CHN2: variants seen among roughly 807,000 people sequenced by gnomAD.
CHN2 encodes chimerin 2.
CHN2 carries 35 observed loss-of-function variants against 56.3 expected under a neutral mutation model. The observed-to-expected ratio is 0.62, with a 90% CI of 0.47 to 0.82. CHN2 has a LOEUF of 0.82. Ranked by LOEUF, CHN2 falls within the 40% of genes least tolerant of loss-of-function variation. The pLI is 0.00. For synonymous variants in CHN2, 210 were observed against 212.8 expected, an observed-to-expected ratio of 0.99 and a Z score of 0.12; for missense variants, 491 against 580.5, an observed-to-expected ratio of 0.85 and a Z score of 1.58.
rs570568264 is a variant in CHN2, at chr7:29,186,099, G to A, written c.274+39139G>A. ...TGAACAGGATGGAGTTTTTGATTAG[G>A]GAATAATTTTGATCCCTTGAAATTC... On this transcript the variant is annotated intron_variant, in intron 2 of 6. Transcript: ENST00000439384. 6.6e-5 allele frequency among the ~76,000 whole-genome samples: 10 copies of A among 152,148 alleles called. No homozygotes were observed. In the South Asian group the frequency reaches 2.1e-3, roughly 32 times the overall value.
chr7:29,436,779 G>C (rs1783257023), intron 6 of CHN2, among the ~76,000 whole-genome samples: 1 of 152,092 alleles, frequency 6.6e-6, no homozygotes. Flanking sequence ...GATGATATTT[G>C]AATAAATAAC....
At position 29,495,884 on chromosome 7, in the gene CHN2, A is replaced by G. The variant is rs1789216468; in HGVS notation, c.655-68A>G. The stretch of plus-strand genomic sequence containing the variant: ...ATCGCTCCTGCTGATCTTCATTGAC[A>G]TGTCTGAGGCTACCTGCCTTTAAAT... On this transcript the variant is annotated intron_variant, in intron 7 of 12. Coordinates refer to ENST00000222792, the MANE Select transcript of CHN2 (RefSeq NM_004067.4). The G allele has an allele frequency of 1.6e-5, 21 of 1,330,464 alleles. No individual in the cohort carries two copies. In the South Asian group the frequency reaches 2.4e-4, roughly 15 times the overall value. The allele number at this position is 1,330,464 out of a possible 1,614,324, so 82.4% of individuals were successfully genotyped here. A position where few individuals can be genotyped will look rare whatever the true frequency, so the allele number is the denominator to read the frequency against.
chr7:29,498,206 C>T (rs1484945970), intron 8 of CHN2, among the ~76,000 whole-genome samples: 1 of 152,170 alleles, frequency 6.6e-6, no homozygotes, highest in African/African-American at 2.4e-5. Flanking sequence ...GTATACAATA[C>T]TTAACTATAT....
intron 1 of CHN2, among the ~76,000 whole-genome samples, chr7:29,208,271 G>A (rs1434306640): frequency 1.3e-5 from 2 of 152,182 alleles, no homozygotes; most frequent in African/African-American, 4.8e-5. Context: ...TCCCCTTCAA[G>A]TTGTTCATGG....
chr7:29,217,996 T>G (rs10238012), intron 1 of CHN2, among the ~76,000 whole-genome samples: 2,805 of 152,164 alleles, frequency 0.018, 80 homozygotes, highest in African/African-American at 0.063. Context: ...GCTTAAAACA[T>G]GAAATTGACT....
At chr7:29,204,063 CTCTCTGTGTGTGTGTGTGTGTGTG>C (rs1784346568) in intron 1 of CHN2, among the ~76,000 whole-genome samples, 1 of 108,938 alleles carries the variant, frequency 9.2e-6, no homozygotes, top group African/African-American at 4.3e-5. Context: ...GTTTTTCTCT[CTCTCTGTGTGTGTGTGTGTGTGTG>C]TGTGTGTGTG....
intron 1 of CHN2, chr7:29,213,162 ACC>A: frequency 2.0e-6 from 3 of 1,466,864 alleles, no homozygotes; most frequent in Non-Finnish European, 1.9e-6. Context: ...TACTCCACAA[ACC>A]ATGGATTTAT....
rs70980520 is a variant in CHN2 at position 29,283,922 on chromosome 7, C to CTT, written c.50-70674_50-70673dup. 6.1e-3 allele frequency among the ~76,000 whole-genome samples: 427 copies of CTT among 69,968 alleles called. 48 individuals are homozygous for CTT. Among genetic ancestry groups the CTT allele is most frequent in the African/African-American group, 0.018 (275 of 15,684 alleles). The allele number at this position is 69,968 out of a possible 152,430, so 45.9% of individuals were successfully genotyped here. On this transcript the variant is annotated intron_variant, in intron 1 of 12. Coordinates refer to ENST00000222792, the MANE Select transcript of CHN2 (RefSeq NM_004067.4). The stretch of plus-strand genomic sequence containing the variant: ...AGGAGCCACCGTTCCCAGCCAAGCT[C>CTT]TTTTTTTTTTTTTTTTTTTTTTTTT...
chr7:29,384,957 T>A (rs1304092400), intron 3 of CHN2, among the ~76,000 whole-genome samples: 3 of 152,230 alleles, frequency 2.0e-5, no homozygotes, highest in Admixed American at 6.5e-5. Flanking sequence ...TTAATTCACA[T>A]GTATGCATAG....
rs151096563 is a variant in CHN2 at position 29,343,604 on chromosome 7, T to C, written c.50-11021T>C. ...TCACTGGAGCAGCTGCTGCCTCTGTTAACCACTTCCCCCTTTTTAAATGTC... is the reference window on the plus strand; with the variant it reads ...TCACTGGAGCAGCTGCTGCCTCTGTCAACCACTTCCCCCTTTTTAAATGTC... On this transcript the variant is annotated intron_variant, in intron 1 of 12. Transcript: ENST00000222792. 5.4e-3 allele frequency among the ~76,000 whole-genome samples: 818 copies of C among 152,286 alleles called. 4 individuals carry two copies. Among genetic ancestry groups the C allele is most frequent in the African/African-American group, 0.019 (776 of 41,536 alleles).
intron 1 of CHN2, among the ~76,000 whole-genome samples, chr7:29,285,985 A>AG (rs1442700713): frequency 6.6e-6 from 1 of 152,146 alleles, no homozygotes; most frequent in African/African-American, 2.4e-5. Context: ...CAACTCATAA[A>AG]GGTACCACCA....
intron 6 of CHN2, among the ~76,000 whole-genome samples, chr7:29,426,227 A>AAC (rs1262677745): frequency 1.3e-5 from 2 of 150,020 alleles, no homozygotes; most frequent in Non-Finnish European, 3.0e-5. Context: ...AAAAAAAAAA[A>AAC]AGAGTGGACT....
At chr7:29,459,942 G>A (rs574318804) in intron 6 of CHN2, among the ~76,000 whole-genome samples, 12 of 152,280 alleles carry the variant, frequency 7.9e-5, no homozygotes, top group African/African-American at 2.6e-4. Flanking sequence ...TACAATAGGC[G>A]TTCTCTGCCT....
intron 1 of CHN2, chr7:29,213,130 A>G (rs2128782725): frequency 6.4e-7 from 1 of 1,568,462 alleles, no homozygotes; most frequent in Admixed American, 1.7e-5. Flanking sequence ...TAATGTAATA[A>G]GCAAATGACT....
intron 6 of CHN2, among the ~76,000 whole-genome samples, chr7:29,408,313 G>A (rs1435534610): frequency 2.0e-5 from 3 of 152,148 alleles, no homozygotes; most frequent in Admixed American, 2.0e-4. Flanking sequence ...TGGCTCCTCA[G>A]GTGATTGTCA....
chr7:29,272,182 C>G lies in CHN2; in HGVS notation c.49+77192C>G, dbSNP rs189048744. 2.4e-3 allele frequency among the ~76,000 whole-genome samples: 368 copies of G among 152,198 alleles called. 8 individuals are homozygous for G. The highest frequency in any genetic ancestry group is 5.0e-4 in the Non-Finnish European group (34 of 68,016). On this transcript the variant is annotated intron_variant, in intron 1 of 12. Coordinates refer to ENST00000222792, the MANE Select transcript of CHN2 (RefSeq NM_004067.4). ...CCGTTCTCCTGCCCCGTGACAGACA[C>G]GGAGTCCGCCACGGTCTCTGTAGCC... is the stretch of plus-strand genomic sequence containing the variant.
intron 6 of CHN2, among the ~76,000 whole-genome samples, chr7:29,477,640 C>T (rs138374476): frequency 1.2e-4 from 19 of 152,336 alleles, no homozygotes; most frequent in Non-Finnish European, 2.4e-4. Context: ...GGAAGCCCTG[C>T]AAAGGTATGC....
chr7:29,174,268 TCTGGAG>T (rs1796978386), intron 2 of CHN2, among the ~76,000 whole-genome samples: 1 of 152,170 alleles, frequency 6.6e-6, no homozygotes, highest in Non-Finnish European at 1.5e-5. Flanking sequence ...GCCCTCTGCC[TCTGGAG>T]GGGGGCCAGC....
At chr7:29,378,213 C>T (rs1800221483) in intron 3 of CHN2, among the ~76,000 whole-genome samples, 1 of 152,202 alleles carries the variant, frequency 6.6e-6, no homozygotes, top group South Asian at 2.1e-4. Context: ...CATTTTCTAC[C>T]TCAGTTCATT....
Sources: gnomAD v4.1 joint callset for allele counts (sites outside exome capture counted in the v4.1 genomes callset) on GRCh38, gnomAD v4.1.1 for gene constraint, MANE v1.5 for transcripts, NCBI Gene and HGNC (gene_info 2026-07-23, HGNC 2026-07-21) for gene names.